SETDB2: variants seen among roughly 807,000 people sequenced by gnomAD.
The protein encoded by SETDB2 is histone-lysine N-methyltransferase SETDB2.
A neutral mutation model predicts 82.5 loss-of-function variants in SETDB2; 56 were observed. The ratio of observed to expected loss-of-function variants is 0.68; its 90% CI spans 0.55 to 0.85. The LOEUF is 0.85. SETDB2 is among the 40% of genes least tolerant of loss of function. The pLI is 0.00. For missense variants in SETDB2, 677 were observed against 816.4 expected (o/e 0.83, Z 2.08); for synonymous variants, 272 against 284.9 (o/e 0.95, Z 0.46).
intron 11 of SETDB2, chr13:49,485,974 T>C (rs1958590595): frequency 1.6e-6 from 1 of 615,228 alleles, no homozygotes; most frequent in South Asian, 1.9e-5. Context: ...AATCAGAAGG[T>C]GATAATATTT....
Position 49,482,730 on chromosome 13 carries a change from C to T in SETDB2, c.1157-7C>T, listed in dbSNP as rs1958504746. ...GTTGTTCAAACTCTTTAACATTTTCCTTTTAGGAAGATTACTAAGCAGAGC... is the reference window on the plus strand; with the variant it reads ...GTTGTTCAAACTCTTTAACATTTTCTTTTTAGGAAGATTACTAAGCAGAGC... On this transcript the variant is annotated splice_polypyrimidine_tract_variant and splice_region_variant and intron_variant, in intron 8 of 13. Coordinates refer to ENST00000611815, the MANE Select transcript of SETDB2 (RefSeq NM_001160308.3). 6.3e-7 allele frequency: 1 copy of T among 1,581,896 alleles called. No homozygotes were observed. Among genetic ancestry groups the T allele is most frequent in the East Asian group, 2.2e-5 (1 of 44,574 alleles).
intron 10 of SETDB2, among the ~76,000 whole-genome samples, chr13:49,484,459 C>T (rs972664884): frequency 2.6e-5 from 4 of 151,992 alleles, no homozygotes; most frequent in East Asian, 3.9e-4. Context: ...TTAGTAGAGA[C>T]GGGGTTTCAT....
At chr13:49,489,009 A>G (rs1458647031) in intron 12 of SETDB2, 1 of 164,420 alleles carries the variant, frequency 6.1e-6, no homozygotes, top group Non-Finnish European at 1.3e-5. Flanking sequence ...TATGGCTAGG[A>G]AGTTATCAGT....
chr13:49,469,801 C>G (rs1404247378), intron 5 of SETDB2, among the ~76,000 whole-genome samples: 3 of 152,064 alleles, frequency 2.0e-5, no homozygotes, highest in Non-Finnish European at 4.4e-5. Flanking sequence ...CTTTAACTGT[C>G]ACAGACTTCA....
intron 10 of SETDB2, among the ~76,000 whole-genome samples, chr13:49,485,147 T>C (rs1958571195): frequency 6.6e-6 from 1 of 152,248 alleles, no homozygotes; most frequent in South Asian, 2.1e-4. Context: ...GTGCTGAGTA[T>C]ATACGCCTCT....
At chr13:49,478,818 C>A (rs537071281) in intron 6 of SETDB2, among the ~76,000 whole-genome samples, 2 of 151,946 alleles carry the variant, frequency 1.3e-5, no homozygotes, top group Non-Finnish European at 2.9e-5. Flanking sequence ...CCCAGCTAGT[C>A]GGGAGTCTGA....
chr13:49,464,170 A>C (rs1454138073), intron 4 of SETDB2: 1 of 704,924 alleles, frequency 1.4e-6, no homozygotes, highest in Non-Finnish European at 2.6e-6. Flanking sequence ...GAATAAGTGA[A>C]AGATTTGTAA....
rs1445708910 is a variant in SETDB2, at chr13:49,494,634, T to C, written c.*2785T>C. 1.4e-5 allele frequency: 2 copies of C among 146,590 alleles called. No homozygotes were observed. The highest frequency in any genetic ancestry group is 4.0e-4 in the East Asian group (2 of 4,942). 9.1% of individuals were successfully genotyped at this position (146,590 alleles called of 1,614,324 possible). ...AGAAATACTCTTTCATCCTCCTGCA[T>C]GGAGGGCAAAAAAAAATTTAAAAAT... On this transcript the variant is annotated 3_prime_UTR_variant, in exon 14 of 14. Transcript: ENST00000611815.
intron 8 of SETDB2, chr13:49,482,494 C>G (rs1958499213): frequency 3.4e-6 from 1 of 297,390 alleles, no homozygotes; most frequent in African/African-American, 2.3e-5. Context: ...AATCTCTTCT[C>G]TTTTGTATTA....
chr13:49,484,024 A>G (rs974115819), intron 10 of SETDB2, among the ~76,000 whole-genome samples: 5 of 152,092 alleles, frequency 3.3e-5, no homozygotes, highest in South Asian at 4.1e-4. Context: ...TTGTTTTGGA[A>G]TGGTGGACGG....
chr13:49,475,742 CCT>C (rs1958342551), intron 5 of SETDB2, among the ~76,000 whole-genome samples: 1 of 151,964 alleles, frequency 6.6e-6, no homozygotes. Context: ...TCCGTCTTGG[CCT>C]CTCAAAGTGC....
chr13:49,475,792 T>A (rs1958344461), intron 5 of SETDB2, among the ~76,000 whole-genome samples: 1 of 150,390 alleles, frequency 6.6e-6, no homozygotes, highest in South Asian at 2.1e-4. Flanking sequence ...CCTGCCGACT[T>A]TTTTTTTTAT....
At chr13:49,475,284 C>T (rs899772816) in intron 5 of SETDB2, among the ~76,000 whole-genome samples, 2 of 152,132 alleles carry the variant, frequency 1.3e-5, no homozygotes, top group African/African-American at 4.8e-5. Context: ...CCACCAGGTC[C>T]CTCCCACAAC....
intron 5 of SETDB2, among the ~76,000 whole-genome samples, chr13:49,472,337 A>G (rs1452124778): frequency 1.3e-5 from 2 of 152,120 alleles, no homozygotes; most frequent in Non-Finnish European, 2.9e-5. Flanking sequence ...CAAAAGCTAG[A>G]TAATCAGTTG....
intron 8 of SETDB2, among the ~76,000 whole-genome samples, chr13:49,481,480 C>T (rs1029502140): frequency 2.6e-5 from 4 of 151,786 alleles, no homozygotes; most frequent in Non-Finnish European, 5.9e-5. Context: ...TAAAGATGAC[C>T]AGTCAAAAAC....
At chr13:49,453,513 G>C (rs553677227) in intron 2 of SETDB2, among the ~76,000 whole-genome samples, 1 of 152,122 alleles carries the variant, frequency 6.6e-6, no homozygotes, top group African/African-American at 2.4e-5. Context: ...GGCCAGGCTG[G>C]TCTCGAACTC....
intron 5 of SETDB2, among the ~76,000 whole-genome samples, chr13:49,468,632 T>TTTTTTTTTTTTTTTTTTTGAGACGGA (rs1291138861): frequency 6.6e-6 from 1 of 151,128 alleles, no homozygotes; most frequent in Non-Finnish European, 1.5e-5. Context: ...TAATTTCATT[T>TTTTTTTTTTTTTTTTTTTGAGACGGA]GTTCTTTCAG....
In SETDB2 at chr13:49,480,931, C is replaced by T; in HGVS notation, c.987-16C>T. 6.2e-7 allele frequency: 1 copy of T among 1,612,918 alleles called. No homozygotes were observed. The highest frequency in any genetic ancestry group is 8.5e-7 in the Non-Finnish European group (1 of 1,179,262). On this transcript the variant is annotated splice_polypyrimidine_tract_variant and intron_variant, in intron 7 of 13. Transcript: ENST00000611815. ...TTGAGATGTCTGATTTTCTCTTTTG[C>T]ATATTTTGTTGACAGCATTTATGAA...
intron 10 of SETDB2, among the ~76,000 whole-genome samples, chr13:49,484,267 TTTTTG>T (rs1346797193): frequency 3.9e-5 from 6 of 152,002 alleles, no homozygotes; most frequent in Non-Finnish European, 7.4e-5. Flanking sequence ...AGGTTTTTGT[TTTTTG>T]TTTTGTTTTG....
Sources: gnomAD v4.1 joint callset for allele counts (sites outside exome capture counted in the v4.1 genomes callset) on GRCh38, gnomAD v4.1.1 for gene constraint, MANE v1.5 for transcripts, NCBI Gene and HGNC (gene_info 2026-07-23, HGNC 2026-07-21) for gene names.